RIF1: variants seen among roughly 807,000 people sequenced by gnomAD.
RIF1 encodes the protein replication timing regulatory factor 1.
RIF1 carries 45 observed loss-of-function variants against 247.1 expected under a neutral mutation model. The ratio of observed to expected loss-of-function variants is 0.18; its 90% confidence interval spans 0.14 to 0.23. The LOEUF is 0.23. Among genes scored for constraint, RIF1 ranks in the 10% least tolerant of loss-of-function variants. The probability of loss-of-function intolerance (pLI) is 1.00; values close to 1 mark genes in which losing one functional copy is unlikely to be tolerated. For missense variants in RIF1, 2,967 were observed against 2,862.5 expected, an observed-to-expected ratio of 1.04 and a Z score of -0.83; for synonymous variants, 1,087 against 978.8, an observed-to-expected ratio of 1.11 and a Z score of -2.06.
intron 17 of RIF1, 100 bp downstream of exon 17, chr2:151,443,429 A>T: frequency 7.3e-7 from 1 of 1,362,416 alleles, no homozygotes; most frequent in South Asian, 1.4e-5. Flanking sequence ...TTTTAAAAAA[A>T]ATTCGTTAAC....
chr2:151,446,693 T>G lies in RIF1; in HGVS notation c.2244+118T>G, dbSNP rs1163028480. On this transcript the variant is annotated intron_variant, in intron 20 of 35. Coordinates refer to ENST00000444746, the MANE Select transcript of RIF1 (RefSeq NM_018151.5). ...CTGCCTCTATTTATATGTGATAAAG[T>G]TGATACTGCAAACAAGTATGCTTTG... 5.0e-6 allele frequency: 5 copies of G among 1,003,874 alleles called. No individual in the cohort carries two copies. In the African/African-American group the frequency reaches 8.2e-5, roughly 16 times the overall value. The allele number at this position is 1,003,874 out of a possible 1,614,324, so 62.2% of individuals were successfully genotyped here. A position where few individuals can be genotyped will look rare whatever the true frequency, so the allele number is the denominator to read the frequency against.
the RIF1 span, chr2:151,516,601 G>T: frequency 7.4e-7 from 1 of 1,342,512 alleles, no homozygotes; most frequent in Non-Finnish European, 1.1e-6. Flanking sequence ...CTCTCCTCTG[G>T]TCAATTCCTA....
the RIF1 span, chr2:151,531,067 G>A: frequency 1.2e-6 from 2 of 1,613,278 alleles, no homozygotes; most frequent in South Asian, 1.1e-5. Context: ...GTAGCCTCTG[G>A]GTTTGGCCTT....
rs149195123 is a variant in RIF1 at position 151,463,936 on chromosome 2, A to G, written c.4416A>G (p.Gln1472=). The change falls in exon 30 of 36, where the codon CAA becomes CAG. Residue 1472 remains glutamine (Q), a synonymous_variant. Transcript: ENST00000444746. Reference sequence around the variant, plus strand: ...CTAAACAAAAACTGATTGCTGAACAAACTCTACAGGAGAATTTAATTGAGA... The same window carrying G: ...CTAAACAAAAACTGATTGCTGAACAGACTCTACAGGAGAATTTAATTGAGA... ...VLPKQKLIAE[Q]TLQENLIEKG... The G allele has an allele frequency of 1.3e-4, 212 of 1,613,418 alleles. No homozygotes were observed. The African/African-American group carries it at 2.5e-3, about 19-fold the overall frequency.
chr2:151,506,636 A>T (rs1324689239), intron 13 of RIF1, among the ~76,000 whole-genome samples: 1 of 152,224 alleles, frequency 6.6e-6, no homozygotes, highest in Non-Finnish European at 1.5e-5. Context: ...TCAAAAAGAA[A>T]TCCATCTTCT....
chr2:151,445,273 A>T (rs750648977), intron 18 of RIF1, 65 bp from the exon 19 acceptor site: 1 of 932,486 alleles, frequency 1.1e-6, no homozygotes, highest in South Asian at 1.3e-5. Context: ...TAAATAAGTT[A>T]TGTTACTACT....
At chr2:151,437,901 G>A (rs1167283076) in intron 13 of RIF1, among the ~76,000 whole-genome samples, 1 of 152,106 alleles carries the variant, frequency 6.6e-6, no homozygotes, top group Admixed American at 6.6e-5. Context: ...AAGCTCTATG[G>A]CTCTAGCATC....
chr2:151,436,902 T>A lies in RIF1; in HGVS notation c.1271T>A (p.Ile424Asn), dbSNP rs767622230. 3 of 1,613,800 alleles carry A rather than the reference T, an allele frequency of 1.9e-6. No homozygotes were observed. The highest frequency in any genetic ancestry group is 2.5e-6 in the Non-Finnish European group (3 of 1,179,954). ...TCGAATTTAGGTGGAATGGCCACAA[T>A]CCCATCCATTCAACTTTTGGGACTT... ...LSSNLGGMATIPSIQLLGLEM... is the reference protein window; with the variant it reads ...LSSNLGGMATNPSIQLLGLEM... The change falls in exon 12 of 36, where the codon ATC becomes AAC. Residue 424 changes from isoleucine to asparagine, a missense_variant. Ile to Asn is a moderately radical substitution (Grantham distance 149). Around this residue, in one of 7 missense-constraint regions of RIF1, gnomAD observed 369 missense variants for 322.0 expected, o/e 1.15. Coordinates refer to ENST00000444746, the MANE Select transcript of RIF1 (RefSeq NM_018151.5).
downstream of RIF1, chr2:151,508,153 G>T: frequency 2.2e-6 from 3 of 1,368,744 alleles, no homozygotes; most frequent in Non-Finnish European, 3.1e-6. Context: ...ACACCACAGG[G>T]ATATAGGCCA....
rs558663009 is a variant in RIF1, at chr2:151,503,294, A to G, written c.*861+109A>G. ...TTACTTTCTTTAAAAAAGATGGGTTATTGTGGTAAATTTTTTATGGGAAAT... is the reference window on the plus strand; with the variant it reads ...TTACTTTCTTTAAAAAAGATGGGTTGTTGTGGTAAATTTTTTATGGGAAAT... On this transcript the variant is annotated intron_variant and NMD_transcript_variant, in intron 12 of 13. Coordinates refer to the RIF1 transcript ENST00000454583. 11 of 1,285,408 alleles carry G rather than the reference A, an allele frequency of 8.6e-6. No homozygotes were observed. The South Asian group carries it at 1.1e-4, about 13-fold the overall frequency. The allele number at this position is 1,285,408 out of a possible 1,614,324, so 79.6% of individuals were successfully genotyped here. A position where few individuals can be genotyped will look rare whatever the true frequency, so the allele number is the denominator to read the frequency against.
Position 151,466,036 on chromosome 2 carries a change from T to C in RIF1, c.6516T>C (p.Ser2172=), listed in dbSNP as rs774225190. The C allele has an allele frequency of 1.1e-4, 178 of 1,613,530 alleles. No individual in the cohort carries two copies. The highest frequency in any genetic ancestry group is 1.5e-4 in the Non-Finnish European group (173 of 1,179,696). The change falls in exon 30 of 36, where the codon TCT becomes TCC. Residue 2172 remains serine (S), a synonymous_variant. Transcript: ENST00000444746. ...PSGMQTRCVW[S]PLASPSTSIL... Reference sequence around the variant, plus strand: ...GCATGCAGACACGCTGTGTCTGGTCTCCTTTGGCTTCTCCGTCTACGAGCA... The same window carrying C: ...GCATGCAGACACGCTGTGTCTGGTCCCCTTTGGCTTCTCCGTCTACGAGCA...
downstream of RIF1, among the ~76,000 whole-genome samples, chr2:151,484,082 A>G (rs977480929): frequency 7.2e-5 from 11 of 152,244 alleles, no homozygotes; most frequent in African/African-American, 2.7e-4. Context: ...CTAGCTGTTC[A>G]GTACAGATGT....
chr2:151,477,435 GAC>G lies in RIF1; in HGVS notation c.*2368_*2369del, dbSNP rs1297089200. The stretch of plus-strand genomic sequence containing the variant: ...ATGTAGTATCTTTTTTTTTTTTTGA[GAC>G]ACAGTCTTGCTCTGTTGCCTATGCT... On this transcript the variant is annotated 3_prime_UTR_variant, in exon 36 of 36. Transcript: ENST00000444746. 1 of 149,836 alleles carries G rather than the reference GAC, an allele frequency of 6.7e-6. No individual in the cohort carries two copies. The highest frequency in any genetic ancestry group is 1.5e-5 in the Non-Finnish European group (1 of 67,584). The allele number at this position is 149,836 out of a possible 1,614,324, so 9.3% of individuals were successfully genotyped here. A position where few individuals can be genotyped will look rare whatever the true frequency, so the allele number is the denominator to read the frequency against.
the RIF1 span, among the ~76,000 whole-genome samples, chr2:151,528,274 C>G: frequency 2.6e-5 from 4 of 152,180 alleles, no homozygotes; most frequent in African/African-American, 9.6e-5. Context: ...GGAGCCTGCA[C>G]TATTAGGCAC....
rs1452312246 is a variant in RIF1, at chr2:151,473,590, GTTCTT to G, written c.7096-371_7096-367del. Among the ~76,000 whole-genome samples, 3 of 151,838 alleles carry G rather than the reference GTTCTT, an allele frequency of 2.0e-5. No individual in the cohort carries two copies. In the East Asian group the frequency reaches 5.8e-4, roughly 29 times the overall value. On this transcript the variant is annotated intron_variant, in intron 34 of 35. Coordinates refer to ENST00000444746, the MANE Select transcript of RIF1 (RefSeq NM_018151.5). ...CCACTGCTCCCAGCCAGAAAATTGTGTTCTTTTTTTTAAAAAAATTCTATATTTTA... is the reference window on the plus strand; with the variant it reads ...CCACTGCTCCCAGCCAGAAAATTGTGTTTTTTAAAAAAATTCTATATTTTA...
the RIF1 span, among the ~76,000 whole-genome samples, chr2:151,514,114 G>A: frequency 6.6e-6 from 1 of 152,128 alleles, no homozygotes; most frequent in Non-Finnish European, 1.5e-5. Flanking sequence ...AACCACTACA[G>A]AAACACACTG....
chr2:151,450,423 T>C (rs1245035928), intron 20 of RIF1, among the ~76,000 whole-genome samples: 1 of 152,150 alleles, frequency 6.6e-6, no homozygotes, highest in Non-Finnish European at 1.5e-5. Context: ...TTAAATACTT[T>C]GATGCCATAT....
chr2:151,411,461 G>C (rs776824025), intron 3 of RIF1, 123 bp downstream of exon 3: 199 of 592,546 alleles, frequency 3.4e-4, no homozygotes, highest in Non-Finnish European at 4.2e-4. Flanking sequence ...CAATGGCTCA[G>C]GCTCGGGCTC....
chr2:151,449,613 C>T (rs1196236427), intron 20 of RIF1, among the ~76,000 whole-genome samples: 1 of 152,074 alleles, frequency 6.6e-6, no homozygotes, highest in Admixed American at 6.6e-5. Context: ...GCCCACCAAC[C>T]TTTTTGTTCT....
Sources: allele counts gnomAD v4.1 joint callset (sites outside exome capture counted in the v4.1 genomes callset), GRCh38; gene constraint gnomAD v4.1.1; regional missense constraint gnomAD v4.1.1; transcripts MANE v1.5; gene names NCBI Gene and HGNC (gene_info 2026-07-23, HGNC 2026-07-21).